ADGRV1: variants seen among roughly 807,000 people sequenced by gnomAD.
The protein encoded by ADGRV1 is adhesion G protein-coupled receptor V1, also known as G-protein coupled receptor 98.
Under a neutral mutation model 596.2 loss-of-function variants are expected in ADGRV1, and 359 were observed. The observed-to-expected ratio is 0.60, with a 90% CI of 0.55 to 0.66. The LOEUF (loss-of-function observed/expected upper bound fraction) is 0.66, where lower values mean the gene tolerates loss of function less well. Ranked by LOEUF, ADGRV1 falls within the 30% of genes least tolerant of loss-of-function variation. The pLI, the probability that ADGRV1 is intolerant of heterozygous loss-of-function variation, is 0.00. For missense variants in ADGRV1, 7,274 were observed against 7,575.6 expected, an observed-to-expected ratio of 0.96 and a Z score of 1.48; for synonymous variants, 2,681 against 2,679.2, an observed-to-expected ratio of 1.00 and a Z score of -0.02.
intron 70 of ADGRV1, among the ~76,000 whole-genome samples, chr5:90,801,473 G>T (rs969977191): frequency 4.6e-5 from 7 of 151,558 alleles, no homozygotes; most frequent in Non-Finnish European, 1.0e-4. Flanking sequence ...TGGGGGGAGG[G>T]GTACACTCTT....
chr5:90,802,886 A>G lies in ADGRV1; in HGVS notation c.14661+4A>G. On this transcript the variant is annotated splice_donor_region_variant and intron_variant, in intron 71 of 89. Coordinates refer to ENST00000405460, the MANE Select transcript of ADGRV1 (RefSeq NM_032119.4). ...TGAGAAAGCTGCCAATTCTCAGGTA[A>G]TTGGCCCTGTGTGTGGTTCTCTCAG... 1.9e-6 allele frequency: 3 copies of G among 1,599,706 alleles called. No homozygotes were observed. The highest frequency in any genetic ancestry group is 2.6e-6 in the Non-Finnish European group (3 of 1,172,560).
In ADGRV1 at chr5:91,163,634, A is replaced by C. The variant is rs931383673; in HGVS notation, c.18803-148A>C. The C allele has an allele frequency of 5.5e-5, 26 of 468,796 alleles. No homozygotes were observed. In the South Asian group the frequency reaches 1.3e-3, roughly 23 times the overall value. The allele number at this position is 468,796 out of a possible 1,614,324, so 29.0% of individuals were successfully genotyped here. On this transcript the variant is annotated intron_variant, in intron 89 of 89. Coordinates refer to ENST00000405460, the MANE Select transcript of ADGRV1 (RefSeq NM_032119.4). ...TGTAAAAGATAGTTTCATAATTGTT[A>C]GGTATTAATAATATCTATTCTAAAT...
At chr5:90,691,067 G>T in intron 31 of ADGRV1, 26 bp downstream of exon 31, 3 of 1,613,274 alleles carry the variant, frequency 1.9e-6, no homozygotes, top group South Asian at 1.1e-5. Flanking sequence ...AGTATAGAAT[G>T]ACACTGTAAA....
intron 64 of ADGRV1, among the ~76,000 whole-genome samples, chr5:90,780,732 G>A (rs1297390940): frequency 6.7e-6 from 1 of 149,710 alleles, no homozygotes; most frequent in African/African-American, 2.5e-5. Context: ...CCAAAGTCTT[G>A]CTGTGTCACC....
chr5:90,583,092 G>T (rs1420767424), intron 1 of ADGRV1, among the ~76,000 whole-genome samples: 39 of 152,104 alleles, frequency 2.6e-4, no homozygotes, highest in Admixed American at 2.6e-3. Flanking sequence ...TGATCATTGT[G>T]TGGCAGTTTT....
intron 35 of ADGRV1, 38 bp downstream of exon 35, chr5:90,703,833 A>C: frequency 6.7e-7 from 1 of 1,492,212 alleles, no homozygotes; most frequent in Non-Finnish European, 9.1e-7. Context: ...AAATATCTAG[A>C]AAGAATGGTG....
chr5:90,994,973 C>T (rs1378462960), intron 85 of ADGRV1, among the ~76,000 whole-genome samples: 1 of 152,100 alleles, frequency 6.6e-6, no homozygotes, highest in Non-Finnish European at 1.5e-5. Context: ...TTATATATAC[C>T]CTCAAAGTCA....
chr5:91,051,537 A>ATT (rs1192844206), intron 85 of ADGRV1, among the ~76,000 whole-genome samples: 56 of 102,484 alleles, frequency 5.5e-4, no homozygotes, highest in African/African-American at 1.1e-3. Context: ...TTGACTTAGG[A>ATT]TTTTTTTTTT....
intron 70 of ADGRV1, among the ~76,000 whole-genome samples, chr5:90,795,850 G>T (rs977182133): frequency 1.1e-4 from 16 of 152,286 alleles, no homozygotes; most frequent in African/African-American, 3.4e-4. Context: ...TGATATCCAG[G>T]CAAACAGGGT....
At chr5:91,157,324 C>T (rs1186478593) in intron 89 of ADGRV1, among the ~76,000 whole-genome samples, 1 of 152,194 alleles carries the variant, frequency 6.6e-6, no homozygotes, top group South Asian at 2.1e-4. Flanking sequence ...GTAATTTCCA[C>T]TATATCATAC....
chr5:90,804,784 G>A (rs1361253871), intron 71 of ADGRV1: 1 of 151,702 alleles, frequency 6.6e-6, no homozygotes, highest in African/African-American at 2.4e-5. Flanking sequence ...ATAAAGATGG[G>A]TATTAAAAAA....
intron 85 of ADGRV1, among the ~76,000 whole-genome samples, chr5:90,997,819 A>G (rs547778959): frequency 4.3e-4 from 65 of 152,266 alleles, no homozygotes; most frequent in Non-Finnish European, 8.1e-4. Flanking sequence ...CATCTGTGCA[A>G]TGGGCATCAT....
At chr5:90,612,321 A>G (rs765091813) in intron 1 of ADGRV1, among the ~76,000 whole-genome samples, 12 of 152,168 alleles carry the variant, frequency 7.9e-5, no homozygotes, top group South Asian at 4.1e-4. Flanking sequence ...TAATTATGCA[A>G]TCTTATGAGA....
chr5:91,116,539 T>A (rs1045264369), intron 87 of ADGRV1, among the ~76,000 whole-genome samples: 1 of 152,198 alleles, frequency 6.6e-6, no homozygotes, highest in Non-Finnish European at 1.5e-5. Context: ...TTGAAATCAG[T>A]TAGCAGTGTT....
In ADGRV1 at chr5:90,855,724, T is replaced by C. The variant is rs775258976; in HGVS notation, c.17595-17T>C. On this transcript the variant is annotated splice_polypyrimidine_tract_variant and intron_variant, in intron 81 of 89. Transcript: ENST00000405460. ...ATTGATGAAAGAGGAAAAATGACTA[T>C]TGTGTTTTTGCCCTAGCTGGTTGTC... 6.5e-7 allele frequency: 1 copy of C among 1,532,796 alleles called. No individual in the cohort carries two copies. The highest frequency in any genetic ancestry group is 8.8e-7 in the Non-Finnish European group (1 of 1,137,938). 94.9% of individuals were successfully genotyped at this position (1,532,796 alleles called of 1,614,324 possible).
At chr5:90,782,345 G>A (rs1758938175) in intron 65 of ADGRV1, among the ~76,000 whole-genome samples, 1 of 151,840 alleles carries the variant, frequency 6.6e-6, no homozygotes, top group Non-Finnish European at 1.5e-5. Context: ...TCTGTACCTG[G>A]AAAAAATCAT....
chr5:90,950,972 C>T (rs1777015178), intron 83 of ADGRV1, among the ~76,000 whole-genome samples: 1 of 152,122 alleles, frequency 6.6e-6, no homozygotes, highest in Non-Finnish European at 1.5e-5. Context: ...AAGCCTCGCT[C>T]TTCTTTTATA....
rs1161026799 is a variant in ADGRV1 at position 91,042,647 on chromosome 5, A to G, written c.18153-29800A>G. Among the ~76,000 whole-genome samples, 4 of 152,150 alleles carry G rather than the reference A, an allele frequency of 2.6e-5. No individual in the cohort carries two copies. In the South Asian group the frequency reaches 6.2e-4, roughly 24 times the overall value. ...GTTTGCTGCACCCATCAAATTAACC[A>G]TCAGGATAATTTAATCTGAATTGAG... On this transcript the variant is annotated intron_variant, in intron 85 of 89. Coordinates refer to ENST00000405460, the MANE Select transcript of ADGRV1 (RefSeq NM_032119.4).
intron 87 of ADGRV1, among the ~76,000 whole-genome samples, chr5:91,104,245 G>C (rs1450342025): frequency 1.3e-5 from 2 of 152,058 alleles, no homozygotes; most frequent in African/African-American, 4.8e-5. Flanking sequence ...AGTGTGCCTG[G>C]GAATAAAAAG....
Sources: gnomAD v4.1 joint callset for allele counts (sites outside exome capture counted in the v4.1 genomes callset) on GRCh38, gnomAD v4.1.1 for gene constraint, MANE v1.5 for transcripts, NCBI Gene and HGNC (gene_info 2026-07-23, HGNC 2026-07-21) for gene names.